Variants in SEM1 observed in about 807,000 individuals in gnomAD.
The protein encoded by SEM1 is 26S proteasome complex subunit SEM1.
SEM1 carries 3 observed loss-of-function variants against 12.7 expected under a neutral mutation model. The observed-to-expected ratio is 0.24, with a 90% CI of 0.11 to 0.61. SEM1 has a LOEUF of 0.61. SEM1 is among the 20% of genes least tolerant of loss of function. The pLI is 0.88. For missense variants in SEM1, 59 were observed against 81.3 expected (o/e 0.73, Z 1.06); for synonymous variants, 30 against 27.8 (o/e 1.08, Z -0.25).
At chr7:96,689,442 A>G (rs1789860831) in intron 2 of SEM1, among the ~76,000 whole-genome samples, 1 of 152,214 alleles carries the variant, frequency 6.6e-6, no homozygotes, top group Non-Finnish European at 1.5e-5. Context: ...TGCTTTCCAT[A>G]TTGACATATA....
chr7:96,504,478 T>A (rs1260317831), intron 3 of SEM1, among the ~76,000 whole-genome samples: 1 of 152,124 alleles, frequency 6.6e-6, no homozygotes, highest in Non-Finnish European at 1.5e-5. Context: ...ATTACCAGCT[T>A]ATGGCCAATT....
At chr7:96,491,639 C>A (rs1803012609) in intron 1 of SEM1, among the ~76,000 whole-genome samples, 1 of 152,130 alleles carries the variant, frequency 6.6e-6, no homozygotes, top group Non-Finnish European at 1.5e-5. Context: ...GCTGCGTTTT[C>A]CTGATTTTTA....
chr7:96,617,462 TATA>T (rs1316302914), intron 2 of SEM1, among the ~76,000 whole-genome samples: 1 of 152,218 alleles, frequency 6.6e-6, no homozygotes, highest in African/African-American at 2.4e-5. Flanking sequence ...GGTTTCTAGA[TATA>T]ATAACACAGA....
chr7:96,524,389 C>A (rs1220467666), intron 2 of SEM1, among the ~76,000 whole-genome samples: 1 of 152,092 alleles, frequency 6.6e-6, no homozygotes, highest in Non-Finnish European at 1.5e-5. Flanking sequence ...ACAGCTATTG[C>A]ACACTAAAAT....
At chr7:96,645,865 G>A in intron 2 of SEM1, 1 of 398,410 alleles carries the variant, frequency 2.5e-6, no homozygotes, top group Non-Finnish European at 4.4e-6. Flanking sequence ...CTGGACTCTG[G>A]GAATGGAGGT....
intron 2 of SEM1, among the ~76,000 whole-genome samples, chr7:96,639,891 T>C (rs1808538651): frequency 1.3e-5 from 2 of 152,018 alleles, no homozygotes; most frequent in Non-Finnish European, 2.9e-5. Context: ...CAACCTGATT[T>C]GAAAATGAGC....
downstream of SEM1, among the ~76,000 whole-genome samples, chr7:96,685,564 C>T (rs1474522771): frequency 2.0e-5 from 3 of 151,902 alleles, no homozygotes; most frequent in African/African-American, 4.8e-5. Context: ...TTTTTTGTTT[C>T]GTTTTGTTTG....
rs1310314474 is a variant in SEM1 at position 96,527,876 on chromosome 7, T to TC, written c.171-21179_171-21178insG. On this transcript the variant is annotated intron_variant and NMD_transcript_variant, in intron 2 of 3. Transcript: ENST00000466986. Reference sequence around the variant, plus strand: ...CCCAGATGGCATGTTCTGAGTTCTTTTTTGTTGTTGTTGTTACTCTTTGGA... The same window carrying TC: ...CCCAGATGGCATGTTCTGAGTTCTTTCTTTGTTGTTGTTGTTACTCTTTGGA... 9.0e-4 allele frequency among the ~76,000 whole-genome samples: 137 copies of TC among 152,242 alleles called. No homozygotes were observed. The Middle Eastern group carries it at 0.02, about 23-fold the overall frequency.
chr7:96,664,438 C>T (rs1281513649), intron 2 of SEM1: 2 of 152,264 alleles, frequency 1.3e-5, no homozygotes, highest in Admixed American at 1.3e-4. Flanking sequence ...TCCCCTCCTC[C>T]ATCTTCAAAG....
chr7:96,570,855 C>T (rs1805999911), intron 2 of SEM1, among the ~76,000 whole-genome samples: 2 of 152,258 alleles, frequency 1.3e-5, no homozygotes, highest in Admixed American at 6.5e-5. Flanking sequence ...ACATCCTCTC[C>T]GGCATCTGTT....
intron 2 of SEM1, among the ~76,000 whole-genome samples, chr7:96,635,287 G>A (rs562491242): frequency 6.6e-6 from 1 of 152,216 alleles, no homozygotes; most frequent in African/African-American, 2.4e-5. Context: ...GTAAGTTTTA[G>A]ATGTCTATCA....
intron 2 of SEM1, among the ~76,000 whole-genome samples, chr7:96,568,189 T>C (rs1805908674): frequency 6.6e-6 from 1 of 151,670 alleles, no homozygotes. Flanking sequence ...AGATTTTCTA[T>C]CCCTTTTGAA....
chr7:96,694,942 C>T (rs1790042447), intron 1 of SEM1, 51 bp from the exon 2 acceptor site: 1 of 1,370,604 alleles, frequency 7.3e-7, no homozygotes, highest in Non-Finnish European at 1.0e-6. Flanking sequence ...ATTATTTCCA[C>T]AATTACAAAA....
intron 2 of SEM1, among the ~76,000 whole-genome samples, chr7:96,616,514 T>C (rs2116262040): frequency 6.6e-6 from 1 of 152,314 alleles, no homozygotes; most frequent in Non-Finnish European, 1.5e-5. Context: ...TTTGCAATGT[T>C]GATTGTTTCT....
intron 2 of SEM1, among the ~76,000 whole-genome samples, chr7:96,627,502 C>T (rs894258116): frequency 6.6e-6 from 1 of 151,850 alleles, no homozygotes; most frequent in Non-Finnish European, 1.5e-5. Context: ...TTTCAATTTC[C>T]TTCTTATAAT....
chr7:96,656,550 A>T (rs185033130), intron 2 of SEM1: 12 of 151,534 alleles, frequency 7.9e-5, no homozygotes, highest in Admixed American at 7.9e-4. Flanking sequence ...GATAAGTTAT[A>T]CTTTTTTTCT....
intron 1 of SEM1, chr7:96,697,376 C>A (rs1343133037): frequency 6.6e-6 from 1 of 152,040 alleles, no homozygotes; most frequent in African/African-American, 2.4e-5. Flanking sequence ...ACATACTTCA[C>A]CTAAGTATCA....
intron 2 of SEM1, among the ~76,000 whole-genome samples, chr7:96,585,120 T>C (rs1375917963): frequency 6.6e-6 from 1 of 152,236 alleles, no homozygotes; most frequent in Non-Finnish European, 1.5e-5. Context: ...TGGTCTTTGA[T>C]GATGGTGATG....
intron 2 of SEM1, among the ~76,000 whole-genome samples, chr7:96,607,284 T>C (rs568342815): frequency 6.6e-6 from 1 of 152,332 alleles, no homozygotes; most frequent in South Asian, 2.1e-4. Flanking sequence ...GGCAGTTTTG[T>C]CTTCACTTAG....
Sources: gnomAD v4.1 joint callset for allele counts (sites outside exome capture counted in the v4.1 genomes callset) on GRCh38, gnomAD v4.1.1 for gene constraint, MANE v1.5 for transcripts, NCBI Gene and HGNC (gene_info 2026-07-23, HGNC 2026-07-21) for gene names.